Variants in HMGCLL1 observed in about 807,000 individuals in gnomAD.
HMGCLL1 encodes 3-hydroxymethyl-3-methylglutaryl-CoA lyase, cytoplasmic.
HMGCLL1 carries 36 observed loss-of-function variants against 39.1 expected under a neutral mutation model. The observed-to-expected ratio is 0.92, with a 90% CI of 0.71 to 1.22. HMGCLL1 has a LOEUF of 1.22. HMGCLL1 is among the 50% of genes most tolerant of loss of function. HMGCLL1 has a pLI of 0.00. For missense variants in HMGCLL1, 451 were observed against 416.5 expected, an observed-to-expected ratio of 1.08 and a Z score of -0.72; for synonymous variants, 149 against 144.0, an observed-to-expected ratio of 1.03 and a Z score of -0.25.
At chr6:55,540,172 T>C (rs926892891) in intron 3 of HMGCLL1, among the ~76,000 whole-genome samples, 3 of 152,064 alleles carry the variant, frequency 2.0e-5, no homozygotes, top group Non-Finnish European at 4.4e-5. Context: ...AAATACCATT[T>C]AAGGGACTAC....
the HMGCLL1 span, among the ~76,000 whole-genome samples, chr6:55,636,999 A>G: frequency 1.3e-5 from 2 of 152,184 alleles, no homozygotes. Flanking sequence ...CCTCCACACA[A>G]TACATTTGAA....
At chr6:55,470,661 T>C (rs949364866) in intron 7 of HMGCLL1, among the ~76,000 whole-genome samples, 2 of 151,702 alleles carry the variant, frequency 1.3e-5, no homozygotes, top group Non-Finnish European at 2.9e-5. Context: ...AATAGGAGTA[T>C]GTATTCTGTT....
rs191900207 is a variant in HMGCLL1, at chr6:55,554,966, A to G, written c.109-12826T>C. ...CAAGAACATTATAAGCAATCTCTCT[A>G]CTTCCACTCTTGCCACCTCCTCTGC... On this transcript the variant is annotated intron_variant, in intron 1 of 8. Coordinates refer to ENST00000274901, the MANE Select transcript of HMGCLL1 (RefSeq NM_001042406.2). Among the ~76,000 whole-genome samples, 426 of 152,280 alleles carry G rather than the reference A, an allele frequency of 2.8e-3. 3 individuals carry two copies. Among genetic ancestry groups the G allele is most frequent in the African/African-American group, 8.4e-3 (351 of 41,560 alleles).
chr6:55,627,898 TAGTATATATAC>T, the HMGCLL1 span, among the ~76,000 whole-genome samples: 4 of 32,384 alleles, frequency 1.2e-4, no homozygotes, highest in Admixed American at 6.0e-4. Flanking sequence ...TATATATATA[TAGTATATATAC>T]TATATATATA....
chr6:55,438,825 C>T (rs890448607), intron 8 of HMGCLL1, among the ~76,000 whole-genome samples: 1 of 151,870 alleles, frequency 6.6e-6, no homozygotes, highest in Non-Finnish European at 1.5e-5. Flanking sequence ...CTAAATAAAT[C>T]GGTTCTATAG....
intron 3 of HMGCLL1, among the ~76,000 whole-genome samples, chr6:55,532,083 G>A (rs1480942245): frequency 1.3e-5 from 2 of 151,934 alleles, no homozygotes; most frequent in Admixed American, 1.3e-4. Flanking sequence ...AAAAGCCTGG[G>A]GACCTCTGAA....
chr6:55,608,782 C>T, the HMGCLL1 span, among the ~76,000 whole-genome samples: 2 of 152,296 alleles, frequency 1.3e-5, no homozygotes, highest in South Asian at 2.1e-4. Context: ...GAATACTGGG[C>T]GAAGCCAAGA....
At chr6:55,618,916 A>G in the HMGCLL1 span, among the ~76,000 whole-genome samples, 1 of 152,090 alleles carries the variant, frequency 6.6e-6, no homozygotes, top group African/African-American at 2.4e-5. Context: ...GACTAATGAC[A>G]TTTTCAGGCA....
chr6:55,630,108 A>G, the HMGCLL1 span, among the ~76,000 whole-genome samples: 1 of 152,132 alleles, frequency 6.6e-6, no homozygotes, highest in Non-Finnish European at 1.5e-5. Context: ...AAAGCTGCAG[A>G]CACTCTCGCC....
chr6:55,453,171 TTTG>T (rs958612236), intron 7 of HMGCLL1, among the ~76,000 whole-genome samples: 8 of 151,940 alleles, frequency 5.3e-5, no homozygotes, highest in African/African-American at 1.7e-4. Context: ...GTTGTTGTTG[TTTG>T]TTGTTGGTTT....
chr6:55,477,197 T>A (rs1384109994), intron 7 of HMGCLL1, among the ~76,000 whole-genome samples: 2 of 28,184 alleles, frequency 7.1e-5, no homozygotes, highest in Non-Finnish European at 1.0e-4. Flanking sequence ...ATATTATATA[T>A]TATATAATAT....
At chr6:55,577,214 C>G in intron 1 of HMGCLL1, 1 of 1,531,946 alleles carries the variant, frequency 6.5e-7, no homozygotes, top group Non-Finnish European at 8.8e-7. Context: ...GTTAGTGCTG[C>G]TGTGAGTTCA....
chr6:55,634,556 T>C, the HMGCLL1 span, among the ~76,000 whole-genome samples: 2 of 152,272 alleles, frequency 1.3e-5, no homozygotes, highest in South Asian at 2.1e-4. Flanking sequence ...GACTAAAATG[T>C]TTCTTCCCAA....
intron 1 of HMGCLL1, among the ~76,000 whole-genome samples, chr6:55,562,769 A>C (rs923815208): frequency 1.3e-5 from 2 of 152,096 alleles, no homozygotes; most frequent in African/African-American, 4.8e-5. Context: ...AGGATAGTGG[A>C]GAGTCTACCT....
chr6:55,539,015 GC>G (rs1407078613), intron 3 of HMGCLL1, among the ~76,000 whole-genome samples: 1 of 152,084 alleles, frequency 6.6e-6, no homozygotes, highest in Non-Finnish European at 1.5e-5. Flanking sequence ...AATGTTTTAA[GC>G]CTTTCTATCT....
chr6:55,630,116 G>A, the HMGCLL1 span, among the ~76,000 whole-genome samples: 7 of 152,088 alleles, frequency 4.6e-5, no homozygotes, highest in Non-Finnish European at 7.4e-5. Flanking sequence ...AGACACTCTC[G>A]CCAGCCTGTG....
At chr6:55,458,742 A>G (rs1764433882) in intron 7 of HMGCLL1, among the ~76,000 whole-genome samples, 1 of 152,196 alleles carries the variant, frequency 6.6e-6, no homozygotes, top group African/African-American at 2.4e-5. Flanking sequence ...AATCCCCACT[A>G]GCATTTTTTA....
the HMGCLL1 span, among the ~76,000 whole-genome samples, chr6:55,664,465 T>A: frequency 6.6e-6 from 1 of 151,740 alleles, no homozygotes; most frequent in Admixed American, 6.6e-5. Flanking sequence ...CCTGTACAAT[T>A]TTCATATATA....
At chr6:55,617,186 A>C in the HMGCLL1 span, among the ~76,000 whole-genome samples, 1 of 152,064 alleles carries the variant, frequency 6.6e-6, no homozygotes, top group Admixed American at 6.6e-5. Context: ...CTTAGACCAC[A>C]CTCATCTTGC....
Sources: allele counts gnomAD v4.1 joint callset (sites outside exome capture counted in the v4.1 genomes callset), GRCh38; gene constraint gnomAD v4.1.1; transcripts MANE v1.5; gene names NCBI Gene and HGNC (gene_info 2026-07-23, HGNC 2026-07-21).